The following DYM variants were observed in gnomAD, a reference collection of about 807,000 sequenced individuals.
DYM encodes the protein dyggve-Melchior-Clausen syndrome protein.
In DYM, 78 loss-of-function variants were observed where a neutral mutation model predicts 93.1. That is an observed-to-expected ratio of 0.84 (90% confidence interval 0.70 to 1.01). The LOEUF (loss-of-function observed/expected upper bound fraction) is 1.01, where lower values mean the gene tolerates loss of function less well. Among genes scored for constraint, DYM ranks in the 50% least tolerant of loss-of-function variants. DYM has a pLI of 0.00. For synonymous variants in DYM, 321 were observed against 319.7 expected, an observed-to-expected ratio of 1.00 and a Z score of -0.04; for missense variants, 789 against 845.0, an observed-to-expected ratio of 0.93 and a Z score of 0.82.
intron 4 of DYM, among the ~76,000 whole-genome samples, chr18:49,378,998 T>C (rs1217633030): frequency 6.6e-6 from 1 of 152,160 alleles, no homozygotes; most frequent in East Asian, 1.9e-4. Context: ...GTACATGCGA[T>C]TAAAAGAGAA....
chr18:49,413,356 A>AGC (rs1307174565), intron 2 of DYM, among the ~76,000 whole-genome samples: 1 of 152,260 alleles, frequency 6.6e-6, no homozygotes, highest in Non-Finnish European at 1.5e-5. Context: ...AGGTGTCTAC[A>AGC]GCAATGGGTC....
intron 13 of DYM, among the ~76,000 whole-genome samples, chr18:49,231,737 A>T (rs1487405864): frequency 1.3e-5 from 2 of 152,210 alleles, no homozygotes; most frequent in Non-Finnish European, 2.9e-5. Flanking sequence ...ATCCAACTCT[A>T]ATGAAATAAA....
chr18:49,113,001 T>C lies in DYM; in HGVS notation c.1911+5743A>G, dbSNP rs191739348. Among the ~76,000 whole-genome samples the C allele has an allele frequency of 1.9e-3, 282 of 152,320 alleles. 4 individuals are homozygous for C. Among genetic ancestry groups the C allele is most frequent in the Non-Finnish European group, 5.6e-4 (38 of 68,022 alleles). ...TTATTCTCCTTTCTTACTCTTTTTT[T>C]TTTCCTTAAGCAACTGGGTAGATAT... On this transcript the variant is annotated intron_variant, in intron 16 of 17. Transcript: ENST00000675505.
At chr18:49,252,795 G>A (rs1316041274) in intron 13 of DYM, among the ~76,000 whole-genome samples, 2 of 152,198 alleles carry the variant, frequency 1.3e-5, no homozygotes, top group African/African-American at 4.8e-5. Context: ...TTAAGGGCTG[G>A]AAGTAAATGG....
intron 17 of DYM, among the ~76,000 whole-genome samples, chr18:49,051,938 G>A (rs1212985839): frequency 1.3e-5 from 2 of 152,234 alleles, no homozygotes; most frequent in Admixed American, 6.5e-5. Context: ...ACAGCACTGC[G>A]CATTCCCCGA....
chr18:49,196,503 G>C (rs1438631016), intron 14 of DYM, among the ~76,000 whole-genome samples: 1 of 152,078 alleles, frequency 6.6e-6, no homozygotes, highest in Non-Finnish European at 1.5e-5. Flanking sequence ...TCTACTCTTA[G>C]AGTGAGAGTG....
intron 17 of DYM, chr18:49,097,084 C>T (rs1599718254): frequency 2.4e-6 from 1 of 423,152 alleles, no homozygotes; most frequent in East Asian, 5.1e-5. Flanking sequence ...TGATCATCTT[C>T]ATCATCACCT....
rs542325780 is a variant in DYM, at chr18:49,319,973, T to C, written c.763+11891A>G. Among the ~76,000 whole-genome samples the C allele has an allele frequency of 4.7e-4, 72 of 152,272 alleles. No homozygotes were observed. The South Asian group carries it at 0.011, about 24-fold the overall frequency. ...TTTAAGGACCATGGTATCACAAAGA[T>C]TATGAACAAGTACAAGAGGGGAAAA... On this transcript the variant is annotated intron_variant, in intron 8 of 17. Transcript: ENST00000675505.
At chr18:49,080,589 G>T (rs2077843670) in intron 17 of DYM, among the ~76,000 whole-genome samples, 3 of 144,306 alleles carry the variant, frequency 2.1e-5, no homozygotes, top group Non-Finnish European at 4.6e-5. Flanking sequence ...CCGGGCGGGG[G>T]CTGACCCCCC....
chr18:49,337,736 A>G (rs192193479), intron 6 of DYM, among the ~76,000 whole-genome samples: 261 of 152,354 alleles, frequency 1.7e-3, no homozygotes, highest in African/African-American at 6.0e-3. Flanking sequence ...GGCAAATCCC[A>G]TGAAAGAATA....
chr18:49,280,784 A>G (rs1304026388), intron 10 of DYM, among the ~76,000 whole-genome samples: 1 of 152,248 alleles, frequency 6.6e-6, no homozygotes, highest in Non-Finnish European at 1.5e-5. Context: ...TGGGAAAAGA[A>G]GTTTTTCTCC....
At chr18:49,303,630 G>C (rs1256711941) in intron 8 of DYM, among the ~76,000 whole-genome samples, 1 of 152,188 alleles carries the variant, frequency 6.6e-6, no homozygotes, top group Non-Finnish European at 1.5e-5. Flanking sequence ...GCTGAAAAGA[G>C]AGGGCAGGCT....
At chr18:49,394,660 A>C (rs1459936453) in intron 2 of DYM, among the ~76,000 whole-genome samples, 1 of 152,188 alleles carries the variant, frequency 6.6e-6, no homozygotes, top group Non-Finnish European at 1.5e-5. Context: ...CCGATACGTA[A>C]CAAGGGATAT....
chr18:49,185,398 A>C (rs896396101), intron 14 of DYM, among the ~76,000 whole-genome samples: 1 of 152,230 alleles, frequency 6.6e-6, no homozygotes, highest in South Asian at 2.1e-4. Flanking sequence ...ATTCTATTAT[A>C]TGACTGTGGA....
intron 11 of DYM, among the ~76,000 whole-genome samples, chr18:49,261,343 T>C (rs1189351051): frequency 1.3e-5 from 2 of 152,124 alleles, no homozygotes; most frequent in Non-Finnish European, 2.9e-5. Flanking sequence ...CACTACATGG[T>C]GGTTAAATAT....
At chr18:49,161,633 T>C (rs1186620707) in intron 15 of DYM, among the ~76,000 whole-genome samples, 3 of 152,328 alleles carry the variant, frequency 2.0e-5, no homozygotes, top group East Asian at 1.9e-4. Flanking sequence ...CGAGCTGTTA[T>C]GCTAATTAAA....
intron 13 of DYM, among the ~76,000 whole-genome samples, chr18:49,255,213 C>T (rs945805393): frequency 1.3e-5 from 2 of 152,176 alleles, no homozygotes; most frequent in Non-Finnish European, 2.9e-5. Flanking sequence ...AAAAGTGATA[C>T]GGAGTTGTTA....
chr18:49,225,536 G>C (rs985169834), intron 13 of DYM, among the ~76,000 whole-genome samples: 8 of 152,056 alleles, frequency 5.3e-5, no homozygotes, highest in Non-Finnish European at 1.2e-4. Context: ...TAAAATAATA[G>C]AGACTATAAT....
chr18:49,391,359 G>A (rs1205487153), intron 3 of DYM: 2 of 499,064 alleles, frequency 4.0e-6, no homozygotes, highest in African/African-American at 3.9e-5. Flanking sequence ...ACGAAAGAGT[G>A]TCTATGGCTT....
Sources: gnomAD v4.1 joint callset for allele counts (sites outside exome capture counted in the v4.1 genomes callset) on GRCh38, gnomAD v4.1.1 for gene constraint, MANE v1.5 for transcripts, NCBI Gene and HGNC (gene_info 2026-07-23, HGNC 2026-07-21) for gene names.